TTC39A: variants seen among roughly 807,000 people sequenced by gnomAD.
TTC39A encodes tetratricopeptide repeat protein 39A.
Under a neutral mutation model 82.3 loss-of-function variants are expected in TTC39A, and 46 were observed. That is an observed-to-expected ratio of 0.56 (90% CI 0.44 to 0.71). The LOEUF is 0.71. TTC39A is among the 30% of genes least tolerant of loss of function. TTC39A has a pLI of 0.00. For synonymous variants in TTC39A, 254 were observed against 275.2 expected, an observed-to-expected ratio of 0.92 and a Z score of 0.76; for missense variants, 543 against 712.9, an observed-to-expected ratio of 0.76 and a Z score of 2.71.
chr1:51,335,409 A>T (rs1014437556), upstream of TTC39A: 1 of 151,572 alleles, frequency 6.6e-6, no homozygotes, highest in African/African-American at 2.4e-5. Context: ...AAAAAAAAAA[A>T]AAATAGCTGG....
At chr1:51,311,447 A>T in intron 4 of TTC39A, 126 bp from the exon 5 acceptor site, 1 of 771,528 alleles carries the variant, frequency 1.3e-6, no homozygotes, top group Non-Finnish European at 2.1e-6. Context: ...CCTGTCCCCT[A>T]CCTCGTCACC....
At position 51,309,476 on chromosome 1, in the gene TTC39A, C is replaced by T. The variant is rs139263907; in HGVS notation, c.424-151G>A. The T allele has an allele frequency of 1.1e-3, 1,622 of 1,473,648 alleles. 13 individuals are homozygous for T. The African/African-American group carries it at 0.02, about 18-fold the overall frequency. 91.3% of individuals were successfully genotyped at this position (1,473,648 alleles called of 1,614,324 possible). ...GTCAGCCAAACCAGGCCTCCCTGCT[C>T]TTTGGCCCAACAAAACCTCTAAAAT... On this transcript the variant is annotated intron_variant, in intron 5 of 17. Transcript: ENST00000680483.
At chr1:51,302,603 C>T (rs771079135) in intron 9 of TTC39A, 30 bp from the exon 10 acceptor site, 1 of 1,577,652 alleles carries the variant, frequency 6.3e-7, no homozygotes, top group African/African-American at 1.3e-5. Flanking sequence ...AGACACAGAA[C>T]ATGTCACCAC....
In TTC39A at chr1:51,290,021, T is replaced by G. The variant is rs375311362; in HGVS notation, c.1477A>C (p.Arg493=). The G allele has an allele frequency of 5.3e-5, 86 of 1,613,530 alleles. No homozygotes were observed. The highest frequency in any genetic ancestry group is 7.0e-5 in the Non-Finnish European group (82 of 1,179,758). The change falls in exon 16 of 18, where the codon AGG becomes CGG. Residue 493 remains arginine, a synonymous_variant. Coordinates refer to ENST00000680483, the MANE Select transcript of TTC39A (RefSeq NM_001297663.2). ...GRVQEAEENF[R]SISANEKKIK... is the part of the protein sequence containing the mutation. ...GGCACTTACTTGGCAGAGATGCTCC[T>G]AAAATTCTCCTCGGCCTCCTGGACA...
At chr1:51,327,822 G>A (rs1213336618) in intron 1 of TTC39A, among the ~76,000 whole-genome samples, 1 of 151,132 alleles carries the variant, frequency 6.6e-6, no homozygotes, top group Non-Finnish European at 1.5e-5. Flanking sequence ...TCAGCCTCCC[G>A]AGTAGCTGGG....
chr1:51,320,954 C>A (rs1157333487), intron 2 of TTC39A, among the ~76,000 whole-genome samples: 1 of 149,332 alleles, frequency 6.7e-6, no homozygotes, highest in Non-Finnish European at 1.5e-5. Flanking sequence ...CTCACTGCAA[C>A]CTCCACCTCC....
upstream of TTC39A, chr1:51,331,605 G>A (rs1232815155): frequency 1.0e-6 from 1 of 985,328 alleles, no homozygotes; most frequent in African/African-American, 1.7e-5. Flanking sequence ...GGGGAGCCAG[G>A]CAGTTTGGGC....
chr1:51,288,919 T>G lies in TTC39A; in HGVS notation c.1530A>C (p.Pro510=). 3.7e-6 allele frequency: 6 copies of G among 1,611,282 alleles called. No individual in the cohort carries two copies. Among genetic ancestry groups the G allele is most frequent in the Non-Finnish European group, 5.1e-6 (6 of 1,178,816 alleles). Residue 510 remains proline (P), a synonymous_variant, in exon 17 of 18, where the codon CCA becomes CCC. Coordinates refer to ENST00000680483, the MANE Select transcript of TTC39A (RefSeq NM_001297663.2). The surrounding 1 kb of genome is among the most constrained non-coding windows in gnomAD (Gnocchi z 4.8). The part of the protein sequence containing the change: ...KKIKYDHYLI[P]NALLELALLL... ...GCAGGGCCAGCTCCAGCAGGGCGTTTGGGATCAAGTAGTGGTCATATTTAA... is the reference window on the plus strand; with the variant it reads ...GCAGGGCCAGCTCCAGCAGGGCGTTGGGGATCAAGTAGTGGTCATATTTAA...
At chr1:51,331,746 C>T, upstream of TTC39A, 1 of 985,400 alleles carries the variant, frequency 1.0e-6, no homozygotes, top group Non-Finnish European at 1.2e-6. Context: ...CATATACAGG[C>T]ACGAAAAAGA....
chr1:51,311,181 G>GGAT, intron 5 of TTC39A, 73 bp downstream of exon 5: 1 of 1,428,810 alleles, frequency 7.0e-7, no homozygotes, highest in Non-Finnish European at 9.5e-7. Context: ...TTGCTCTAGG[G>GGAT]GATGGGTCAT....
At chr1:51,324,681 C>T (rs1645647093) in intron 1 of TTC39A, among the ~76,000 whole-genome samples, 1 of 151,890 alleles carries the variant, frequency 6.6e-6, no homozygotes, top group African/African-American at 2.4e-5. Flanking sequence ...ACCACCATGC[C>T]CGACTAATTT....
chr1:51,306,799 G>C (rs928406833), intron 6 of TTC39A, among the ~76,000 whole-genome samples: 6 of 151,462 alleles, frequency 4.0e-5, no homozygotes, highest in Admixed American at 1.3e-4. Flanking sequence ...GAAGACAGCA[G>C]GGACCAAAAC....
chr1:51,325,319 C>A (rs1331339178), intron 1 of TTC39A, among the ~76,000 whole-genome samples: 2 of 152,014 alleles, frequency 1.3e-5, no homozygotes, highest in African/African-American at 4.8e-5. Context: ...CTTCCCATTG[C>A]TCTTAGGGTA....
chr1:51,320,614 G>A (rs137894272), intron 2 of TTC39A, among the ~76,000 whole-genome samples: 187 of 150,948 alleles, frequency 1.2e-3, no homozygotes, highest in African/African-American at 4.3e-3. Context: ...ACCACACCCA[G>A]CTAATTTTTT....
intron 12 of TTC39A, chr1:51,297,195 T>A (rs1644466708): frequency 6.6e-6 from 1 of 150,794 alleles, no homozygotes; most frequent in African/African-American, 2.4e-5. Context: ...TCTCCCTCCC[T>A]GAAATCTGTT....
rs1644049198 is a variant in TTC39A, at chr1:51,287,926, G to A, written c.*231C>T. 3.7e-6 allele frequency: 2 copies of A among 545,730 alleles called. No individual in the cohort carries two copies. 33.8% of individuals were successfully genotyped at this position (545,730 alleles called of 1,614,324 possible). A position where few individuals can be genotyped will look rare whatever the true frequency, so the allele number is the denominator to read the frequency against. On this transcript the variant is annotated 3_prime_UTR_variant, in exon 18 of 18. Coordinates refer to ENST00000680483, the MANE Select transcript of TTC39A (RefSeq NM_001297663.2). ...CAGTGAAAAGCAAGTACCCGTATGTGTGATAGGGCAGGCAGAGGGCTCCAC... is the reference window on the plus strand; with the variant it reads ...CAGTGAAAAGCAAGTACCCGTATGTATGATAGGGCAGGCAGAGGGCTCCAC...
chr1:51,337,424 A>ATTTTTT (rs1017474435), intron 1 of TTC39A, among the ~76,000 whole-genome samples: 1 of 132,102 alleles, frequency 7.6e-6, no homozygotes, highest in African/African-American at 2.9e-5. Context: ...ATTCTGTTTA[A>ATTTTTT]TTTTTTTTTT....
chr1:51,334,195 CAAAAAAAAAAAAA>C (rs763569273), upstream of TTC39A, among the ~76,000 whole-genome samples: 1 of 38,064 alleles, frequency 2.6e-5, no homozygotes, highest in Non-Finnish European at 5.4e-5. Flanking sequence ...CCTGTCTCTA[CAAAAAAAAAAAAA>C]AAAAAAAAGG....
At position 51,330,234 on chromosome 1, in the gene TTC39A, C is replaced by T; in HGVS notation, c.41+203G>A. On this transcript the variant is annotated intron_variant, in intron 1 of 17. Coordinates refer to ENST00000680483, the MANE Select transcript of TTC39A (RefSeq NM_001297663.2). The surrounding 1 kb of genome is among the most constrained non-coding windows in gnomAD (Gnocchi z 4.5). ...AGAAGGTGAGTGACCGACCCGGGGT[C>T]CCCGCGCCTCCGCCTCCTCACAGCC... The T allele has an allele frequency of 1.0e-6, 1 of 983,848 alleles. No individual in the cohort carries two copies. The highest frequency in any genetic ancestry group is 1.2e-6 in the Non-Finnish European group (1 of 828,580). The allele number at this position is 983,848 out of a possible 1,614,324, so 60.9% of individuals were successfully genotyped here.
Sources: allele counts gnomAD v4.1 joint callset (sites outside exome capture counted in the v4.1 genomes callset), GRCh38; gene constraint gnomAD v4.1.1; non-coding constraint Gnocchi (gnomAD v3.1); transcripts MANE v1.5; gene names NCBI Gene and HGNC (gene_info 2026-07-23, HGNC 2026-07-21).